The following MICU1 variants were observed in gnomAD, a reference collection of about 807,000 sequenced individuals.
The protein encoded by MICU1 is mitochondrial calcium uptake 1, also known as calcium uptake protein 1, mitochondrial.
In MICU1, 45 loss-of-function variants were observed where a neutral mutation model predicts 56.8. That is an observed-to-expected ratio of 0.79 (90% confidence interval 0.62 to 1.02). The LOEUF is 1.02. Among genes scored for constraint, MICU1 ranks in the 50% least tolerant of loss-of-function variants. The pLI is 0.00. For missense variants in MICU1, 504 were observed against 587.1 expected, an observed-to-expected ratio of 0.86 and a Z score of 1.46; for synonymous variants, 186 against 195.1, an observed-to-expected ratio of 0.95 and a Z score of 0.39.
At chr10:72,606,171 C>T (rs1221933065) in intron 1 of MICU1, among the ~76,000 whole-genome samples, 1 of 150,816 alleles carries the variant, frequency 6.6e-6, no homozygotes, top group African/African-American at 2.4e-5. Flanking sequence ...TGTTACATAA[C>T]TATGTAAACC....
At chr10:72,516,694 C>A (rs887843464) in intron 5 of MICU1, among the ~76,000 whole-genome samples, 1 of 152,110 alleles carries the variant, frequency 6.6e-6, no homozygotes, top group Non-Finnish European at 1.5e-5. Flanking sequence ...AATAGGGAAT[C>A]CTTTCCCCAT....
At position 72,477,348 on chromosome 10, in the gene MICU1, A is replaced by G. The variant is rs116565895; in HGVS notation, c.653-92T>C. ...ACAAAAGGCTAAACACTAAAATGTA[A>G]TATCAAAGTCACCATAAAAGTGACT... On this transcript the variant is annotated intron_variant, in intron 6 of 11. Transcript: ENST00000361114. The G allele has an allele frequency of 2.4e-3, 2,801 of 1,191,894 alleles. 55 individuals are homozygous for G. In the African/African-American group the frequency reaches 0.04, roughly 17 times the overall value. 73.8% of individuals were successfully genotyped at this position (1,191,894 alleles called of 1,614,324 possible).
At chr10:72,490,227 GT>G (rs1269399376) in intron 6 of MICU1, among the ~76,000 whole-genome samples, 1 of 152,078 alleles carries the variant, frequency 6.6e-6, no homozygotes, top group Non-Finnish European at 1.5e-5. Flanking sequence ...ATATGTCTAT[GT>G]ATGTATGTAT....
At chr10:72,501,611 T>A (rs1867070070) in intron 6 of MICU1, 1 of 152,070 alleles carries the variant, frequency 6.6e-6, no homozygotes, top group Non-Finnish European at 1.5e-5. Flanking sequence ...ATAAATTATA[T>A]GAAATGTTAA....
chr10:72,497,000 C>CTA (rs997301627), intron 6 of MICU1, among the ~76,000 whole-genome samples: 18 of 152,332 alleles, frequency 1.2e-4, no homozygotes, highest in African/African-American at 4.1e-4. Context: ...ATGACAACCA[C>CTA]TATTTCCTGC....
intron 8 of MICU1, among the ~76,000 whole-genome samples, chr10:72,425,653 G>A (rs1772383854): frequency 6.6e-6 from 1 of 152,072 alleles, no homozygotes; most frequent in Non-Finnish European, 1.5e-5. Flanking sequence ...TACTACTTCA[G>A]TTCTATAATT....
At chr10:72,616,215 T>G (rs1166178970) in intron 1 of MICU1, among the ~76,000 whole-genome samples, 3 of 152,174 alleles carry the variant, frequency 2.0e-5, no homozygotes, top group African/African-American at 7.2e-5. Flanking sequence ...ACATTGTGAA[T>G]TTTACCTTGT....
chr10:72,446,031 T>C lies in MICU1; in HGVS notation c.934-22660A>G, dbSNP rs1007940330. ...CTATTGGCTAAGGAGCAGTTGGCAC[T>C]GTTTTCACTGACTGTACAAGTATGT... On this transcript the variant is annotated intron_variant, in intron 8 of 11. Coordinates refer to ENST00000361114, the MANE Select transcript of MICU1 (RefSeq NM_001195518.2). Among the ~76,000 whole-genome samples, 5 of 152,274 alleles carry C rather than the reference T, an allele frequency of 3.3e-5. 1 individual carries two copies. Among genetic ancestry groups the C allele is most frequent in the Admixed American group, 2.6e-4 (4 of 15,288 alleles).
At chr10:72,389,595 G>A (rs369711770) in intron 10 of MICU1, among the ~76,000 whole-genome samples, 11 of 152,270 alleles carry the variant, frequency 7.2e-5, no homozygotes, top group South Asian at 2.1e-4. Context: ...GTGCAGGGGC[G>A]TGAATAGTAA....
chr10:72,575,954 C>T (rs1040872912), intron 1 of MICU1, among the ~76,000 whole-genome samples: 7 of 152,150 alleles, frequency 4.6e-5, no homozygotes, highest in East Asian at 1.9e-4. Flanking sequence ...TGGCTCACGC[C>T]TGTAATCCCA....
At chr10:72,416,235 T>A (rs997691569) in intron 9 of MICU1, among the ~76,000 whole-genome samples, 2 of 152,138 alleles carry the variant, frequency 1.3e-5, no homozygotes, top group Admixed American at 1.3e-4. Flanking sequence ...CTCATAAAAC[T>A]AAATCTCCTA....
At chr10:72,595,452 AAAAAAAAAAAAAGAAAAAAAG>A (rs1415214317) in intron 1 of MICU1, among the ~76,000 whole-genome samples, 4 of 123,782 alleles carry the variant, frequency 3.2e-5, no homozygotes, top group South Asian at 2.4e-4. Flanking sequence ...TGTCTCAAAA[AAAAAAAAAAAAAGAAAAAAAG>A]AAAAAAAAAA....
chr10:72,505,331 A>G (rs752163488), intron 6 of MICU1, among the ~76,000 whole-genome samples: 26 of 152,144 alleles, frequency 1.7e-4, no homozygotes, highest in Non-Finnish European at 3.5e-4. Flanking sequence ...ACGAGGCTGC[A>G]GAGAAAAGGG....
At chr10:72,441,378 G>A (rs1456187559) in intron 8 of MICU1, among the ~76,000 whole-genome samples, 1 of 150,548 alleles carries the variant, frequency 6.6e-6, no homozygotes, top group Non-Finnish European at 1.5e-5. Flanking sequence ...GAACAGGGCA[G>A]GGAACATCAC....
rs79185976 is a variant in MICU1 at position 72,572,122 on chromosome 10, C to T, written c.-1-5328G>A. 7.8e-3 allele frequency among the ~76,000 whole-genome samples: 1,179 copies of T among 152,070 alleles called. 16 individuals carry two copies. The highest frequency in any genetic ancestry group is 0.026 in the African/African-American group (1,065 of 41,484). On this transcript the variant is annotated intron_variant, in intron 1 of 11. Coordinates refer to ENST00000361114, the MANE Select transcript of MICU1 (RefSeq NM_001195518.2). ...CTGTATATACTAAAGAAGCTCATCC[C>T]TCCTCCTTGGGAAAAAAGCTCACTC...
At chr10:72,517,904 C>T (rs1037547584) in intron 5 of MICU1, among the ~76,000 whole-genome samples, 1 of 151,990 alleles carries the variant, frequency 6.6e-6, no homozygotes, top group South Asian at 2.1e-4. Context: ...CACTTATACA[C>T]TTCAGGGGTG....
chr10:72,582,602 T>A (rs548385113), intron 1 of MICU1, among the ~76,000 whole-genome samples: 1 of 152,108 alleles, frequency 6.6e-6, no homozygotes, highest in Admixed American at 6.5e-5. Context: ...TACAAAAAAT[T>A]TAGTTTTTTA....
intron 1 of MICU1, among the ~76,000 whole-genome samples, chr10:72,588,739 G>A (rs1274145660): frequency 6.6e-6 from 1 of 152,150 alleles, no homozygotes; most frequent in Non-Finnish European, 1.5e-5. Context: ...ATGCATCGTA[G>A]GATGTTTAGC....
At chr10:72,457,213 TA>T (rs1865499081) in intron 8 of MICU1, among the ~76,000 whole-genome samples, 1 of 149,970 alleles carries the variant, frequency 6.7e-6, no homozygotes, top group African/African-American at 2.5e-5. Context: ...TCTTACTTCC[TA>T]CTTTTTTTTT....
Sources: allele counts gnomAD v4.1 joint callset (sites outside exome capture counted in the v4.1 genomes callset), GRCh38; gene constraint gnomAD v4.1.1; transcripts MANE v1.5; gene names NCBI Gene and HGNC (gene_info 2026-07-23, HGNC 2026-07-21).